Variants in FECH observed in about 807,000 individuals in gnomAD.
FECH encodes ferrochelatase.
Under a neutral mutation model 56.9 loss-of-function variants are expected in FECH, and 40 were observed. That is an observed-to-expected ratio of 0.70 (90% CI 0.55 to 0.92). The LOEUF is 0.92. Ranked by LOEUF, FECH falls within the 40% of genes least tolerant of loss-of-function variation. The pLI is 0.00. For missense variants in FECH, 431 were observed against 529.1 expected (o/e 0.81, Z 1.82); for synonymous variants, 175 against 198.6 (o/e 0.88, Z 1.00).
chr18:57,586,560 C>T lies in FECH; in HGVS notation c.61G>A (p.Asp21Asn). 3 of 1,522,006 alleles carry T rather than the reference C, an allele frequency of 2.0e-6. No individual in the cohort carries two copies. The highest frequency in any genetic ancestry group is 2.6e-6 in the Non-Finnish European group (3 of 1,141,494). 94.3% of individuals were successfully genotyped at this position (1,522,006 alleles called of 1,614,324 possible). ...ALRAAGVLLR[D>N]PLASSSWRVC... ...CCGCGACAGACCCACTTACGCGGATCGCGGAGCAGGACGCCCGCGGCGCGC... is the reference window on the plus strand; with the variant it reads ...CCGCGACAGACCCACTTACGCGGATTGCGGAGCAGGACGCCCGCGGCGCGC... The change falls in exon 1 of 11, where the codon GAT (aspartate) becomes AAT (asparagine). Residue 21 changes from aspartate to asparagine, a missense_variant. Asp to Asn is a conservative substitution (Grantham distance 23). Transcript: ENST00000262093.
chr18:57,569,422 A>AT (rs1379029100), intron 4 of FECH, among the ~76,000 whole-genome samples: 1 of 152,194 alleles, frequency 6.6e-6, no homozygotes, highest in Non-Finnish European at 1.5e-5. Context: ...CAATCATCAC[A>AT]TTTTCTGGCC....
At chr18:57,564,300 A>G (rs1205797405) in intron 5 of FECH, among the ~76,000 whole-genome samples, 4 of 152,240 alleles carry the variant, frequency 2.6e-5, no homozygotes, top group African/African-American at 9.6e-5. Flanking sequence ...ATAAACTTAT[A>G]TTTCTAAGAG....
chr18:57,563,420 A>G (rs1201316580), intron 5 of FECH, among the ~76,000 whole-genome samples: 3 of 151,934 alleles, frequency 2.0e-5, no homozygotes, highest in African/African-American at 4.8e-5. Context: ...TATCTCTACT[A>G]AAAAATACAA....
rs1262624074 is a variant in FECH, at chr18:57,549,815, T to G, written c.*897A>C. ...AATTCAAGCAAAGTATTGTTGACTT[T>G]ATAAAATAATTCTTAAAACAAATGT... On this transcript the variant is annotated 3_prime_UTR_variant, in exon 11 of 11. Coordinates refer to ENST00000262093, the MANE Select transcript of FECH (RefSeq NM_000140.5). 1 of 152,220 alleles carries G rather than the reference T, an allele frequency of 6.6e-6. No individual in the cohort carries two copies. The highest frequency in any genetic ancestry group is 2.4e-5 in the African/African-American group (1 of 41,450). The allele number at this position is 152,220 out of a possible 1,614,324, so 9.4% of individuals were successfully genotyped here.
At chr18:57,580,272 T>G in intron 1 of FECH, 73 bp from the exon 2 acceptor site, 1 of 1,565,322 alleles carries the variant, frequency 6.4e-7, no homozygotes, top group Non-Finnish European at 8.8e-7. Flanking sequence ...CCTCAGAGCA[T>G]AATTCCTGAC....
chr18:57,554,386 T>A lies in FECH; in HGVS notation c.951A>T (p.Glu317Asp), dbSNP rs750791296. Residue 317 changes from glutamate to aspartate, a missense_variant, in exon 9 of 11, where the codon GAA becomes GAT. By Grantham distance (45) the Glu-to-Asp change is conservative (BLOSUM62 2). Coordinates refer to ENST00000262093, the MANE Select transcript of FECH (RefSeq NM_000140.5). ...CCCTCTCACAAAGCCCTTTGATAGA[T>A]TCGTCTGTTTGAGGACCCAACCAGG... is the stretch of plus-strand genomic sequence containing the variant. ...PMPWLGPQTD[E>D]SIKGLCERGR... The A allele has an allele frequency of 2.0e-5, 33 of 1,614,176 alleles. No homozygotes were observed. In the East Asian group the frequency reaches 2.7e-4, roughly 13 times the overall value.
intron 1 of FECH, 61 bp from the exon 2 acceptor site, chr18:57,580,260 G>C: frequency 6.3e-7 from 1 of 1,588,358 alleles, no homozygotes; most frequent in Non-Finnish European, 8.6e-7. Context: ...TTCTGAAGAG[G>C]TCCTCAGAGC....
intron 3 of FECH, 142 bp downstream of exon 3, chr18:57,573,104 G>A: frequency 3.4e-6 from 3 of 871,564 alleles, no homozygotes; most frequent in Non-Finnish European, 5.5e-6. Flanking sequence ...ATATCCTTCT[G>A]ATATCCAACA....
chr18:57,579,901 TG>T (rs2051250256), intron 2 of FECH, among the ~76,000 whole-genome samples, 171 bp downstream of exon 2: 1 of 152,178 alleles, frequency 6.6e-6, no homozygotes, highest in South Asian at 2.1e-4. Flanking sequence ...AAGGATCCAG[TG>T]GGGAAGGAGG....
At position 57,544,675 on chromosome 18, in the gene FECH, A is replaced by G. The variant is rs572674290; in HGVS notation, c.*6037T>C. Among the ~76,000 whole-genome samples, 1 of 152,372 alleles carries G rather than the reference A, an allele frequency of 6.6e-6. No individual in the cohort carries two copies. Among genetic ancestry groups the G allele is most frequent in the Admixed American group, 6.5e-5 (1 of 15,306 alleles). On this transcript the variant is annotated 3_prime_UTR_variant, in exon 11 of 11. Coordinates refer to ENST00000262093, the MANE Select transcript of FECH (RefSeq NM_000140.5). ...ACTTCACTTGGATAAGTTGAATAAT[A>G]GTTTTCAAATAATGGAAGACTATTC...
intron 4 of FECH, 64 bp from the exon 5 acceptor site, chr18:57,566,645 C>T (rs1274581970): frequency 1.9e-6 from 3 of 1,587,100 alleles, no homozygotes; most frequent in East Asian, 4.5e-5. Context: ...TCAGAGTCAA[C>T]AAACATAATG....
Position 57,546,350 on chromosome 18 carries a change from G to A in FECH, c.*4362C>T, listed in dbSNP as rs139029557. On this transcript the variant is annotated 3_prime_UTR_variant, in exon 11 of 11. Coordinates refer to ENST00000262093, the MANE Select transcript of FECH (RefSeq NM_000140.5). ...GGGCAAGGTGGTCCTTTGCCGCATC[G>A]ACAGGAGCTCATACGGCAGAGCCCC... is the stretch of plus-strand genomic sequence containing the variant. Among the ~76,000 whole-genome samples the A allele has an allele frequency of 2.0e-5, 3 of 152,262 alleles. No individual in the cohort carries two copies. The highest frequency in any genetic ancestry group is 1.9e-4 in the East Asian group (1 of 5,188).
intron 6 of FECH, among the ~76,000 whole-genome samples, chr18:57,561,504 C>T (rs147580132): frequency 5.1e-4 from 78 of 152,330 alleles, no homozygotes; most frequent in African/African-American, 1.8e-3. Context: ...GTATTTTCTA[C>T]TCCCAACCTC....
At position 57,563,580 on chromosome 18, in the gene FECH, C is replaced by CAAAAAAAAAAAA. The variant is rs747565830; in HGVS notation, c.599-612_599-601dup. Among the ~76,000 whole-genome samples the CAAAAAAAAAAAA allele has an allele frequency of 1.2e-3, 40 of 33,586 alleles. 2 individuals are homozygous for CAAAAAAAAAAAA. The highest frequency in any genetic ancestry group is 4.9e-3 in the East Asian group (4 of 820). The allele number at this position is 33,586 out of a possible 152,430, so 22.0% of individuals were successfully genotyped here. On this transcript the variant is annotated intron_variant, in intron 5 of 10. Coordinates refer to ENST00000262093, the MANE Select transcript of FECH (RefSeq NM_000140.5). The stretch of plus-strand genomic sequence containing the variant: ...GGGCAACAAGAGCGAAACTCCGTCC[C>CAAAAAAAAAAAA]AAAAAAAAAAAAAAAAAAAAAAAAG...
intron 9 of FECH, among the ~76,000 whole-genome samples, chr18:57,553,255 G>A (rs2050823034): frequency 6.7e-6 from 1 of 149,036 alleles, no homozygotes. Flanking sequence ...CAACTTGCCT[G>A]CAAATCCTGT....
chr18:57,578,319 A>C (rs1161776353), intron 2 of FECH, among the ~76,000 whole-genome samples: 1 of 152,240 alleles, frequency 6.6e-6, no homozygotes, highest in Admixed American at 6.5e-5. Context: ...GCACTCAGTC[A>C]TCATACCCAT....
chr18:57,559,361 C>T lies in FECH; in HGVS notation c.706-118G>A, dbSNP rs751526962. 11 of 727,004 alleles carry T rather than the reference C, an allele frequency of 1.5e-5. No homozygotes were observed. In the Admixed American group the frequency reaches 2.0e-4, roughly 13 times the overall value. 45.0% of individuals were successfully genotyped at this position (727,004 alleles called of 1,614,324 possible). A position where few individuals can be genotyped will look rare whatever the true frequency, so the allele number is the denominator to read the frequency against. On this transcript the variant is annotated intron_variant, in intron 6 of 10. Coordinates refer to ENST00000262093, the MANE Select transcript of FECH (RefSeq NM_000140.5). ...AATCTCAGAGCAACCCTCAAAAATC[C>T]GAACTCTCTTTTTTAAAAAATTGCA...
intron 9 of FECH, among the ~76,000 whole-genome samples, chr18:57,551,768 T>G (rs1037206896): frequency 6.6e-6 from 1 of 152,244 alleles, no homozygotes; most frequent in Non-Finnish European, 1.5e-5. Context: ...AAATATAGTT[T>G]CATACTTGTT....
chr18:57,563,835 A>G (rs766006043), intron 5 of FECH, among the ~76,000 whole-genome samples: 2 of 152,110 alleles, frequency 1.3e-5, no homozygotes, highest in African/African-American at 2.4e-5. Context: ...TCTTTACTTA[A>G]TATTATGAAA....
Sources: allele counts gnomAD v4.1 joint callset (sites outside exome capture counted in the v4.1 genomes callset), GRCh38; gene constraint gnomAD v4.1.1; transcripts MANE v1.5; gene names NCBI Gene and HGNC (gene_info 2026-07-23, HGNC 2026-07-21).